RNF126: variants seen among roughly 807,000 people sequenced by gnomAD.
RNF126 encodes the protein ring finger protein 126, also known as E3 ubiquitin-protein ligase RNF126.
Under a neutral mutation model 41.9 loss-of-function variants are expected in RNF126, and 20 were observed. That is an observed-to-expected ratio of 0.48 (90% CI 0.34 to 0.69). RNF126 has a LOEUF of 0.69. RNF126 is among the 30% of genes least tolerant of loss of function. RNF126 has a pLI of 0.01. For synonymous variants in RNF126, 239 were observed against 202.9 expected (o/e 1.18, Z -1.51); for missense variants, 433 against 460.6 (o/e 0.94, Z 0.55).
intron 6 of RNF126, 140 bp from the exon 7 acceptor site, chr19:649,115 C>T (rs535412442): frequency 2.3e-5 from 9 of 398,952 alleles, no homozygotes; most frequent in East Asian, 1.1e-4. Flanking sequence ...CGCCCGGGGT[C>T]GGAGATCACT....
intron 8 of RNF126, 26 bp downstream of exon 8, chr19:648,346 G>T: frequency 3.4e-6 from 2 of 586,224 alleles, no homozygotes; most frequent in Non-Finnish European, 2.8e-6. Context: ...GGTCGGGGTG[G>T]GGGGGCGGGT....
chr19:652,725 G>A lies in RNF126; in HGVS notation c.134+101C>T, dbSNP rs753514657. The A allele has an allele frequency of 7.7e-5, 81 of 1,058,704 alleles. 1 individual carries two copies. Among genetic ancestry groups the A allele is most frequent in the South Asian group, 2.1e-4 (16 of 75,786 alleles). 65.6% of individuals were successfully genotyped at this position (1,058,704 alleles called of 1,614,324 possible). A position where few individuals can be genotyped will look rare whatever the true frequency, so the allele number is the denominator to read the frequency against. On this transcript the variant is annotated intron_variant, in intron 2 of 8. Transcript: ENST00000292363. The stretch of plus-strand genomic sequence containing the variant: ...GGAGCCACAGACACCAGGGCCTGAC[G>A]GCCCCACACTCGGCGGGGCGGACGC...
At chr19:649,378 G>A (rs2030158097) in intron 6 of RNF126, 2 of 450,652 alleles carry the variant, frequency 4.4e-6, no homozygotes, top group Non-Finnish European at 4.0e-6. Context: ...GCAGGTCAGG[G>A]CGCGACCTCT....
Position 651,638 on chromosome 19 carries a change from C to A in RNF126, c.416G>T (p.Arg139Leu), listed in dbSNP as rs759602879. The A allele has an allele frequency of 9.5e-6, 14 of 1,480,422 alleles. No individual in the cohort carries two copies. The highest frequency in any genetic ancestry group is 1.3e-5 in the South Asian group (1 of 75,294). 91.7% of individuals were successfully genotyped at this position (1,480,422 alleles called of 1,614,324 possible). Residue 139 changes from arginine (R) to leucine (L), a missense_variant, in exon 4 of 9, where the codon CGG (arginine) becomes CTG (leucine). Arg to Leu is a moderately radical substitution (Grantham distance 102, BLOSUM62 -2). This residue lies in a region of RNF126 where 247 missense variants were observed against 224.7 expected (regional missense o/e 1.10). Transcript: ENST00000292363. ...ARLTTRRATG[R>L]HEGVPTLEGI... Reference sequence around the variant, plus strand: ...TTCCAGCGTGGGGACGCCTTCGTGCCGGCCGGTGGCCCGCCGCGTGGTGAG... The same window carrying A: ...TTCCAGCGTGGGGACGCCTTCGTGCAGGCCGGTGGCCCGCCGCGTGGTGAG...
chr19:650,512 G>T, intron 4 of RNF126: 1 of 437,330 alleles, frequency 2.3e-6, no homozygotes, highest in Non-Finnish European at 4.0e-6. Flanking sequence ...CAACCTGCTG[G>T]GCTTAAGCGA....
chr19:648,821 G>GAGCC lies in RNF126; in HGVS notation c.670+57_670+60dup, dbSNP rs960731916. 5.0e-6 allele frequency: 5 copies of GAGCC among 1,000,190 alleles called. No individual in the cohort carries two copies. In the African/African-American group the frequency reaches 6.5e-5, roughly 13 times the overall value. 62.0% of individuals were successfully genotyped at this position (1,000,190 alleles called of 1,614,324 possible). A position where few individuals can be genotyped will look rare whatever the true frequency, so the allele number is the denominator to read the frequency against. ...CTGTCTCTACTGAAAATACAAGTAT[G>GAGCC]AGCCAGGCGTGGCGGCGGGTGCCTG... On this transcript the variant is annotated intron_variant, in intron 7 of 8. Transcript: ENST00000292363.
chr19:655,014 G>GA (rs34088660), intron 1 of RNF126, among the ~76,000 whole-genome samples: 4 of 130,840 alleles, frequency 3.1e-5, no homozygotes, highest in South Asian at 2.3e-4. Context: ...AAGAAAGAAA[G>GA]AAAAAAAAGC....
chr19:657,932 G>A (rs974032870), intron 1 of RNF126, among the ~76,000 whole-genome samples: 4 of 152,038 alleles, frequency 2.6e-5, no homozygotes, highest in African/African-American at 9.7e-5. Context: ...GCTTGGTCTC[G>A]TATTAAATCG....
chr19:649,712 C>T lies in RNF126; in HGVS notation c.543G>A (p.Trp181Ter). The T allele has an allele frequency of 6.4e-7, 1 of 1,571,028 alleles. No homozygotes were observed. The change falls in exon 6 of 9, where the codon TGG (tryptophan) becomes TGA (stop). Residue 181 changes from tryptophan (W) to a stop codon, truncating the protein, a stop_gained. Transcript: ENST00000292363. LOFTEE classifies it high-confidence loss of function. ...TGATGGCATCCAGGCCGTTGGCCCC[C>T]CAGGCGTAGTCCATAGGGTTTGAGT... Reference protein sequence around the residue: ...VLHSNPMDYAWGANGLDAIIT... With the variant: ...VLHSNPMDYA
chr19:660,948 C>T (rs989293405), intron 1 of RNF126, among the ~76,000 whole-genome samples: 74 of 152,372 alleles, frequency 4.9e-4, no homozygotes, highest in African/African-American at 1.7e-3. Flanking sequence ...CACGGGCAGG[C>T]CCCCGCAGCC....
At chr19:656,478 G>A (rs1030581311) in intron 1 of RNF126, among the ~76,000 whole-genome samples, 3 of 151,936 alleles carry the variant, frequency 2.0e-5, no homozygotes, top group Admixed American at 6.6e-5. Flanking sequence ...GGGAAATACC[G>A]TCTCTACTAA....
In RNF126 at chr19:649,736, G is replaced by A. The variant is rs910170222; in HGVS notation, c.519C>T (p.His173=). 1 of 1,568,824 alleles carries A rather than the reference G, an allele frequency of 6.4e-7. No individual in the cohort carries two copies. Among genetic ancestry groups the A allele is most frequent in the South Asian group, 1.2e-5 (1 of 86,002 alleles). The change falls in exon 6 of 9, where the codon CAC becomes CAT. Residue 173 remains histidine (H), a synonymous_variant. Transcript: ENST00000292363. The stretch of plus-strand genomic sequence containing the variant: ...CCCAGGCGTAGTCCATAGGGTTTGA[G>A]TGCAGGACTCCCCTGGAGGTGGAAG... ...IPSLGPWGVL[H]SNPMDYAWGA... is the part of the protein sequence containing the mutation.
At chr19:661,881 G>A (rs2030818873) in intron 1 of RNF126, among the ~76,000 whole-genome samples, 1 of 152,156 alleles carries the variant, frequency 6.6e-6, no homozygotes, top group African/African-American at 2.4e-5. Context: ...CCCTCAAGCT[G>A]GCCAAGCGGC....
chr19:648,389 C>G lies in RNF126; in HGVS notation c.769G>C (p.Val257Leu). ...GCACTCACCTGCTCCAGCCAGGGCA[C>G]GATGCAGCCGTCGTGGAACAGGTGG... ...CNHLFHDGCI[V>L]PWLEQHDSCP... Residue 257 changes from valine (V) to leucine (L), a missense_variant, in exon 8 of 9, where the codon GTG becomes CTG. By Grantham distance (32) the Val-to-Leu change is conservative. Coordinates refer to ENST00000292363, the MANE Select transcript of RNF126 (RefSeq NM_194460.3). 5 of 1,555,854 alleles carry G rather than the reference C, an allele frequency of 3.2e-6. No homozygotes were observed. The highest frequency in any genetic ancestry group is 4.3e-6 in the Non-Finnish European group (5 of 1,155,974).
intron 1 of RNF126, among the ~76,000 whole-genome samples, chr19:656,823 C>T (rs910822800): frequency 1.3e-5 from 2 of 152,170 alleles, no homozygotes; most frequent in South Asian, 2.1e-4. Context: ...CACGTAAACA[C>T]GCTGAGACTT....
intron 1 of RNF126, among the ~76,000 whole-genome samples, chr19:653,130 G>A (rs557357057): frequency 2.5e-4 from 37 of 149,818 alleles, no homozygotes; most frequent in African/African-American, 4.9e-4. Context: ...CCACCGTGAC[G>A]GGCGTCACCA....
At chr19:661,325 A>C (rs552430468) in intron 1 of RNF126, 1 of 152,318 alleles carries the variant, frequency 6.6e-6, no homozygotes, top group African/African-American at 2.4e-5. Flanking sequence ...CCAGGGCTCA[A>C]GGGGCTGCAA....
chr19:656,423 G>A (rs1197050567), intron 1 of RNF126, among the ~76,000 whole-genome samples: 3 of 152,160 alleles, frequency 2.0e-5, no homozygotes. Flanking sequence ...GGAGGCCAAA[G>A]TGGGCAGATC....
rs1038023137 is a variant in RNF126, at chr19:648,039, C to T, written c.*89G>A. 6.5e-5 allele frequency: 91 copies of T among 1,403,004 alleles called. No homozygotes were observed. Among genetic ancestry groups the T allele is most frequent in the African/African-American group, 3.0e-4 (21 of 69,006 alleles). 86.9% of individuals were successfully genotyped at this position (1,403,004 alleles called of 1,614,324 possible). A position where few individuals can be genotyped will look rare whatever the true frequency, so the allele number is the denominator to read the frequency against. On this transcript the variant is annotated 3_prime_UTR_variant, in exon 9 of 9. Coordinates refer to ENST00000292363, the MANE Select transcript of RNF126 (RefSeq NM_194460.3). ...AGCGCTGACCAGCCAAGCGTGGCGC[C>T]GCCGGGGCACCCAGTCTGTGGGTGC... is the stretch of plus-strand genomic sequence containing the variant.
Sources: allele counts gnomAD v4.1 joint callset (sites outside exome capture counted in the v4.1 genomes callset), GRCh38; gene constraint gnomAD v4.1.1; regional missense constraint gnomAD v4.1.1; transcripts MANE v1.5; gene names NCBI Gene and HGNC (gene_info 2026-07-23, HGNC 2026-07-21).